The following TSC22D2 variants were observed in gnomAD, a reference collection of about 807,000 sequenced individuals.
TSC22D2 encodes TSC22 domain family member 2.
TSC22D2 carries 5 observed loss-of-function variants against 50.1 expected under a neutral mutation model. That is an observed-to-expected ratio of 0.10 (90% confidence interval 0.05 to 0.21). The LOEUF (loss-of-function observed/expected upper bound fraction) is 0.21, where lower values mean the gene tolerates loss of function less well. Among genes scored for constraint, TSC22D2 ranks in the 10% least tolerant of loss-of-function variants. The probability of loss-of-function intolerance (pLI) is 1.00; values close to 1 mark genes in which losing one functional copy is unlikely to be tolerated. For missense variants in TSC22D2, 1,003 were observed against 1,015.5 expected (o/e 0.99, Z 0.17); for synonymous variants, 501 against 450.1 (o/e 1.11, Z -1.43).
chr3:150,430,687 G>C (rs1720349057), intron 1 of TSC22D2, among the ~76,000 whole-genome samples: 1 of 152,106 alleles, frequency 6.6e-6, no homozygotes, highest in Admixed American at 6.5e-5. Flanking sequence ...AAAGCTAGTT[G>C]AGATTTAAGA....
At chr3:150,443,986 G>T (rs184334345) in intron 1 of TSC22D2, among the ~76,000 whole-genome samples, 1 of 152,278 alleles carries the variant, frequency 6.6e-6, no homozygotes, top group East Asian at 1.9e-4. Flanking sequence ...ACTGGCCATG[G>T]CAGCAGTAAC....
chr3:150,446,873 C>T (rs977394814), intron 1 of TSC22D2, among the ~76,000 whole-genome samples: 1 of 152,146 alleles, frequency 6.6e-6, no homozygotes, highest in Non-Finnish European at 1.5e-5. Flanking sequence ...ATTCTAGTCA[C>T]GAAATCCCAG....
At position 150,458,670 on chromosome 3, in the gene TSC22D2, A is replaced by C; in HGVS notation, c.*34A>C. 1 of 1,608,840 alleles carries C rather than the reference A, an allele frequency of 6.2e-7. No homozygotes were observed. Among genetic ancestry groups the C allele is most frequent in the East Asian group, 2.2e-5 (1 of 44,798 alleles). ...TAAGCCTCATTAAGAAAAAAACTGA[A>C]AGCAATCTATCCTTGTGTGCCACTG... is the stretch of plus-strand genomic sequence containing the variant. On this transcript the variant is annotated 3_prime_UTR_variant, in exon 3 of 3. Transcript: ENST00000688009.
intron 1 of TSC22D2, among the ~76,000 whole-genome samples, chr3:150,428,731 C>T (rs1720280256): frequency 6.6e-6 from 1 of 152,008 alleles, no homozygotes; most frequent in African/African-American, 2.4e-5. Context: ...TGTTGTACTC[C>T]ATTTCTACAG....
At chr3:150,442,787 C>G (rs756364815) in intron 1 of TSC22D2, among the ~76,000 whole-genome samples, 1 of 152,068 alleles carries the variant, frequency 6.6e-6, no homozygotes, top group Non-Finnish European at 1.5e-5. Context: ...AACCCTGTCT[C>G]TACCTGCAAA....
At chr3:150,427,590 A>G (rs1720235256) in intron 1 of TSC22D2, among the ~76,000 whole-genome samples, 2 of 152,106 alleles carry the variant, frequency 1.3e-5, no homozygotes. Context: ...ATGTACCTGA[A>G]CCATTTTGTG....
Position 150,461,719 on chromosome 3 carries a change from G to T in TSC22D2, c.*3083G>T, listed in dbSNP as rs544543953. 104 of 152,110 alleles carry T rather than the reference G, an allele frequency of 6.8e-4. No homozygotes were observed. Among genetic ancestry groups the T allele is most frequent in the Non-Finnish European group, 1.3e-3 (87 of 68,020 alleles). 9.4% of individuals were successfully genotyped at this position (152,110 alleles called of 1,614,324 possible). A position where few individuals can be genotyped will look rare whatever the true frequency, so the allele number is the denominator to read the frequency against. On this transcript the variant is annotated 3_prime_UTR_variant, in exon 3 of 3. Coordinates refer to ENST00000688009, the MANE Select transcript of TSC22D2 (RefSeq NM_001303264.2). ...TTATAATATCCTATGCTAATTAGAA[G>T]TATTGAGATAACGTTTTATAATCAA...
At chr3:150,431,790 A>G (rs1720389695) in intron 1 of TSC22D2, among the ~76,000 whole-genome samples, 10 of 152,128 alleles carry the variant, frequency 6.6e-5, no homozygotes, top group Admixed American at 6.5e-4. Flanking sequence ...GTAGGAGAAC[A>G]TTTGGATATT....
chr3:150,411,304 G>A lies in TSC22D2; in HGVS notation c.1954G>A (p.Asp652Asn), dbSNP rs1301518164. The stretch of plus-strand genomic sequence containing the variant: ...AGCTATTCCTGTTGATGGTGATGAA[G>A]ACAGGTATGGAAATCTCTATTTTAA... ...SIAIPVDGDEDSASGGGVVAI... is the reference protein window; with the variant it reads ...SIAIPVDGDENSASGGGVVAI... Residue 652 changes from aspartate to asparagine, a missense_variant, in exon 1 of 3, where the codon GAC (aspartate) becomes AAC (asparagine). Coordinates refer to ENST00000688009, the MANE Select transcript of TSC22D2 (RefSeq NM_001303264.2). 6.2e-7 allele frequency: 1 copy of A among 1,602,942 alleles called. No individual in the cohort carries two copies. Among genetic ancestry groups the A allele is most frequent in the Non-Finnish European group, 8.5e-7 (1 of 1,173,176 alleles).
intron 1 of TSC22D2, among the ~76,000 whole-genome samples, chr3:150,419,346 G>A (rs1475440285): frequency 6.6e-6 from 1 of 152,070 alleles, no homozygotes; most frequent in Non-Finnish European, 1.5e-5. Flanking sequence ...CACACAATAA[G>A]TTAGGAAGAA....
At chr3:150,421,807 AT>A (rs1369491898) in intron 1 of TSC22D2, among the ~76,000 whole-genome samples, 1 of 152,326 alleles carries the variant, frequency 6.6e-6, no homozygotes, top group East Asian at 1.9e-4. Context: ...GATTCACTGT[AT>A]GCCAGGAACT....
intron 1 of TSC22D2, among the ~76,000 whole-genome samples, chr3:150,443,364 C>CTA (rs1162417094): frequency 6.6e-6 from 1 of 152,162 alleles, no homozygotes; most frequent in East Asian, 1.9e-4. Flanking sequence ...TTCATAGCTG[C>CTA]TATAATCAAG....
In TSC22D2 at chr3:150,465,339, TAAGGG is replaced by T. The variant is rs1721518657; in HGVS notation, c.*6707_*6711del. 1 of 152,000 alleles carries T rather than the reference TAAGGG, an allele frequency of 6.6e-6. No individual in the cohort carries two copies. Among genetic ancestry groups the T allele is most frequent in the South Asian group, 2.1e-4 (1 of 4,822 alleles). 9.4% of individuals were successfully genotyped at this position (152,000 alleles called of 1,614,324 possible). ...AAAGAGAAGCTCAATCTCAGCAAAA[TAAGGG>T]AAGTGCACATTAAAACACAAGAAAC... On this transcript the variant is annotated 3_prime_UTR_variant, in exon 3 of 3. Coordinates refer to ENST00000688009, the MANE Select transcript of TSC22D2 (RefSeq NM_001303264.2).
In TSC22D2 at chr3:150,409,421, C is replaced by G; in HGVS notation, c.71C>G (p.Thr24Ser). 6.2e-7 allele frequency: 1 copy of G among 1,613,334 alleles called. No individual in the cohort carries two copies. Among genetic ancestry groups the G allele is most frequent in the East Asian group, 2.2e-5 (1 of 44,846 alleles). The change falls in exon 1 of 3, where the codon ACT (threonine) becomes AGT (serine). Residue 24 changes from threonine (T) to serine (S), a missense_variant. Around this residue, in one of 6 missense-constraint regions of TSC22D2, gnomAD observed 17 missense variants for 34.4 expected, o/e 0.49. Coordinates refer to ENST00000688009, the MANE Select transcript of TSC22D2 (RefSeq NM_001303264.2). This position sits in a 1 kb window ranked among gnomAD's most constrained non-coding sequence, Gnocchi z 7.4. The part of the protein sequence containing the change: ...ITSVTTAQVA[T>S]SITEDTESLD... Reference sequence around the variant, plus strand: ...AGTGTCACCACGGCCCAGGTGGCCACTAGCATCACCGAGGACACCGAGAGC... The same window carrying G: ...AGTGTCACCACGGCCCAGGTGGCCAGTAGCATCACCGAGGACACCGAGAGC...
intron 1 of TSC22D2, among the ~76,000 whole-genome samples, chr3:150,443,020 G>A (rs1720767771): frequency 6.6e-6 from 1 of 152,158 alleles, no homozygotes; most frequent in Admixed American, 6.5e-5. Flanking sequence ...TCACATCTCA[G>A]AATTTATCTT....
chr3:150,444,975 ATATT>A (rs1559848400), intron 1 of TSC22D2, among the ~76,000 whole-genome samples: 4 of 152,154 alleles, frequency 2.6e-5, no homozygotes, highest in Non-Finnish European at 5.9e-5. Flanking sequence ...GCTTTTAGTA[ATATT>A]TATTGTTGAA....
In TSC22D2 at chr3:150,458,582, A is replaced by G. The variant is rs1559853069; in HGVS notation, c.2217A>G (p.Ala739=). ...GSTSQQQAVI[A]QPPQPTQPPQ... Reference sequence around the variant, plus strand: ...CTTCTCAACAGCAAGCAGTGATAGCACAGCCTCCGCAGCCAACGCAACCTC... The same window carrying G: ...CTTCTCAACAGCAAGCAGTGATAGCGCAGCCTCCGCAGCCAACGCAACCTC... The change falls in exon 3 of 3, where the codon GCA becomes GCG. Residue 739 remains alanine (A), a synonymous_variant. Coordinates refer to ENST00000688009, the MANE Select transcript of TSC22D2 (RefSeq NM_001303264.2). 6.2e-7 allele frequency: 1 copy of G among 1,614,196 alleles called. No individual in the cohort carries two copies. Among genetic ancestry groups the G allele is most frequent in the South Asian group, 1.1e-5 (1 of 91,090 alleles).
At chr3:150,430,607 G>A (rs964874866) in intron 1 of TSC22D2, among the ~76,000 whole-genome samples, 1 of 152,156 alleles carries the variant, frequency 6.6e-6, no homozygotes, top group African/African-American at 2.4e-5. Flanking sequence ...TTGATAAGCT[G>A]GTACAAAGTC....
chr3:150,419,681 G>A (rs932734265), intron 1 of TSC22D2, among the ~76,000 whole-genome samples: 23 of 152,052 alleles, frequency 1.5e-4, no homozygotes, highest in Admixed American at 1.5e-3. Context: ...GCAAAAACAG[G>A]TAGACATGCC....
Sources: gnomAD v4.1 joint callset for allele counts (sites outside exome capture counted in the v4.1 genomes callset) on GRCh38, gnomAD v4.1.1 for gene constraint, gnomAD v4.1.1 regional missense constraint, Gnocchi (gnomAD v3.1) non-coding constraint, MANE v1.5 for transcripts, NCBI Gene and HGNC (gene_info 2026-07-23, HGNC 2026-07-21) for gene names.